The following AMT variants were observed in gnomAD, a reference collection of about 807,000 sequenced individuals.
The protein encoded by AMT is aminomethyltransferase.
AMT carries 24 observed loss-of-function variants against 39.5 expected under a neutral mutation model. The ratio of observed to expected loss-of-function variants is 0.61; its 90% CI spans 0.44 to 0.86. The LOEUF is 0.86. Ranked by LOEUF, AMT falls within the 40% of genes least tolerant of loss-of-function variation. The pLI is 0.00. For synonymous variants in AMT, 210 were observed against 212.1 expected (o/e 0.99, Z 0.09); for missense variants, 501 against 537.0 (o/e 0.93, Z 0.66).
intron 2 of AMT, 44 bp from the exon 3 acceptor site, chr3:49,421,616 A>T (rs146587598): frequency 6.4e-7 from 1 of 1,556,578 alleles, no homozygotes; most frequent in African/African-American, 1.4e-5. Context: ...AACAGCTACA[A>T]TCCAAAAGGC....
Position 49,422,467 on chromosome 3 carries a change from T to A in AMT, c.-17A>T. On this transcript the variant is annotated 5_prime_UTR_variant, in exon 1 of 9. Coordinates refer to ENST00000273588, the MANE Select transcript of AMT (RefSeq NM_000481.4). The stretch of plus-strand genomic sequence containing the variant: ...CCTCTGCATCGTCGCCTGCAACGAG[T>A]GCAGACGGCGCACAGAGGCCACCAC... 1.2e-6 allele frequency: 2 copies of A among 1,611,022 alleles called. No homozygotes were observed. The highest frequency in any genetic ancestry group is 1.7e-6 in the Non-Finnish European group (2 of 1,178,928).
In AMT at chr3:49,422,399, A is replaced by G. The variant is rs778523705; in HGVS notation, c.52T>C (p.Phe18Leu). The G allele has an allele frequency of 5.0e-6, 8 of 1,613,690 alleles. No individual in the cohort carries two copies. In the South Asian group the frequency reaches 7.7e-5, roughly 16 times the overall value. Residue 18 changes from phenylalanine (F) to leucine (L), a missense_variant, in exon 1 of 9, where the codon TTC (phenylalanine) becomes CTC (leucine). Phe to Leu is a conservative substitution (Grantham distance 22). Coordinates refer to ENST00000273588, the MANE Select transcript of AMT (RefSeq NM_000481.4). ...VARLGFRLQA[F>L]PPALCRPLSC... ...AGTGGACGACACAAGGCCGGGGGGA[A>G]TGCCTGCAGGCGAAAGCCCAGACGG...
chr3:49,420,488 G>A, intron 3 of AMT, 146 bp from the exon 4 acceptor site: 1 of 1,238,052 alleles, frequency 8.1e-7, no homozygotes, highest in Non-Finnish European at 1.2e-6. Context: ...ACAAGTCTGG[G>A]CCCAAGTCCA....
rs1264611139 is a variant in AMT at position 49,417,292 on chromosome 3, G to T, written c.*248C>A. On this transcript the variant is annotated 3_prime_UTR_variant, in exon 9 of 9. Transcript: ENST00000273588. ...CATTACCCTCCAGCAGGCAAGAGTA[G>T]GTCAGTGGGATCATGGACTGAAACA... 1.3e-6 allele frequency: 2 copies of T among 1,598,368 alleles called. No homozygotes were observed. Among genetic ancestry groups the T allele is most frequent in the Admixed American group, 1.7e-5 (1 of 59,964 alleles).
chr3:49,418,403 G>A (rs561355042), intron 7 of AMT: 4 of 240,474 alleles, frequency 1.7e-5, no homozygotes, highest in South Asian at 1.0e-4. Context: ...GGCTATTCTC[G>A]AATTCCTGAC....
Position 49,422,153 on chromosome 3 carries a change from A to T in AMT, c.209T>A (p.Leu70Gln), listed in dbSNP as rs2049115421. The T allele has an allele frequency of 6.2e-7, 1 of 1,613,882 alleles. No homozygotes were observed. Among genetic ancestry groups the T allele is most frequent in the Non-Finnish European group, 8.5e-7 (1 of 1,180,036 alleles). Reference sequence around the variant, plus strand: ...GAGCGAGCAGTGCTGGCGTGTGTGCAGGTGCGAGTCAGTGTGACTGTCCCG... The same window carrying T: ...GAGCGAGCAGTGCTGGCGTGTGTGCTGGTGCGAGTCAGTGTGACTGTCCCG... ...QYRDSHTDSH[L>Q]HTRQHCSLFD... Residue 70 changes from leucine (L) to glutamine (Q), a missense_variant, in exon 2 of 9, where the codon CTG (leucine) becomes CAG (glutamine). Leu to Gln is a moderately radical substitution (Grantham distance 113). Coordinates refer to ENST00000273588, the MANE Select transcript of AMT (RefSeq NM_000481.4).
chr3:49,422,100 T>C lies in AMT; in HGVS notation c.258+4A>G, dbSNP rs778046200. ...CAGATGGCCAGTGTGCTCCCCTGGC[T>C]CACCTGCAGCATATGAGACACGTCA... On this transcript the variant is annotated splice_donor_region_variant and intron_variant, in intron 2 of 8. Coordinates refer to ENST00000273588, the MANE Select transcript of AMT (RefSeq NM_000481.4). The C allele has an allele frequency of 6.2e-7, 1 of 1,613,494 alleles. No individual in the cohort carries two copies. Among genetic ancestry groups the C allele is most frequent in the South Asian group, 1.1e-5 (1 of 91,088 alleles).
intron 7 of AMT, chr3:49,418,501 T>TTTTTC (rs1553638366): frequency 2.2e-5 from 3 of 138,176 alleles, no homozygotes; most frequent in African/African-American, 8.6e-5. Context: ...TTTCTTTTTT[T>TTTTTC]TTTTTTTTTT....
chr3:49,419,902 G>A (rs756300264), intron 4 of AMT, 114 bp from the exon 5 acceptor site: 602 of 1,014,128 alleles, frequency 5.9e-4, no homozygotes, highest in Admixed American at 2.4e-3. Flanking sequence ...GAGGAGGGAG[G>A]AAAAAAAAAG....
At position 49,419,356 on chromosome 3, in the gene AMT, C is replaced by A; in HGVS notation, c.600G>T (p.Arg200Ser). Residue 200 changes from arginine to serine, a missense_variant, in exon 6 of 9, where the codon AGG becomes AGT. Physicochemically the swap from Arg to Ser is moderately radical, Grantham distance 110. Transcript: ENST00000273588. ...CAGCACTGGTCATGAAGGGCAGTTT[C>A]CTCAGGTCATCTGCCACGCCGGCCT... ...VLQAGVADDL[R>S]KLPFMTSAVM... 6.2e-7 allele frequency: 1 copy of A among 1,614,186 alleles called. No homozygotes were observed. The highest frequency in any genetic ancestry group is 8.5e-7 in the Non-Finnish European group (1 of 1,180,030).
rs1207233852 is a variant in AMT, at chr3:49,422,126, A to G, written c.236T>C (p.Phe79Ser). 1 of 1,613,808 alleles carries G rather than the reference A, an allele frequency of 6.2e-7. No individual in the cohort carries two copies. The highest frequency in any genetic ancestry group is 1.7e-5 in the Admixed American group (1 of 60,030). Residue 79 changes from phenylalanine to serine, a missense_variant, in exon 2 of 9, where the codon TTT becomes TCT. Transcript: ENST00000273588. ...HLHTRQHCSL[F>S]DVSHMLQTKI... is the part of the protein sequence containing the mutation. ...CACCTGCAGCATATGAGACACGTCA[A>G]AGAGCGAGCAGTGCTGGCGTGTGTG...
chr3:49,421,608 C>A, intron 2 of AMT, 36 bp from the exon 3 acceptor site: 1 of 1,575,896 alleles, frequency 6.3e-7, no homozygotes. Context: ...GCCATTGCAA[C>A]AGCTACAATC....
chr3:49,420,289 A>G lies in AMT; in HGVS notation c.393T>C (p.Ile131=), dbSNP rs2107933716. 6.2e-7 allele frequency: 1 copy of G among 1,614,208 alleles called. No individual in the cohort carries two copies. The highest frequency in any genetic ancestry group is 2.2e-5 in the East Asian group (1 of 44,886). ...GGTGGCCCTCAGAAGTATTGGTTACAATCAAGTCATCTAAGATGCCTCCAG... is the reference window on the plus strand; with the variant it reads ...GGTGGCCCTCAGAAGTATTGGTTACGATCAAGTCATCTAAGATGCCTCCAG... ...NEAGGILDDL[I]VTNTSEGHLY... is the part of the protein sequence containing the mutation. The change falls in exon 4 of 9, where the codon ATT becomes ATC. Residue 131 remains isoleucine (I), a synonymous_variant. Transcript: ENST00000273588.
chr3:49,417,410 C>G lies in AMT; in HGVS notation c.*130G>C. 1 of 1,609,924 alleles carries G rather than the reference C, an allele frequency of 6.2e-7. No individual in the cohort carries two copies. Among genetic ancestry groups the G allele is most frequent in the East Asian group, 2.2e-5 (1 of 44,864 alleles). On this transcript the variant is annotated 3_prime_UTR_variant, in exon 9 of 9. Transcript: ENST00000273588. ...AGGTGGGGGGAATAGGTGGTGTGGC[C>G]CCTCAACCAGACAATTAGAATCAGC...
chr3:49,419,627 C>T, intron 5 of AMT, 83 bp downstream of exon 5: 1 of 1,500,386 alleles, frequency 6.7e-7, no homozygotes, highest in Non-Finnish European at 9.3e-7. Context: ...TCCACACATT[C>T]TTCTTGGTAT....
At chr3:49,420,000 G>A in intron 4 of AMT, 1 of 797,046 alleles carries the variant, frequency 1.3e-6, no homozygotes. Flanking sequence ...TCACACCAGA[G>A]GGGCCAAGAC....
chr3:49,420,305 A>G lies in AMT; in HGVS notation c.377T>C (p.Ile126Thr). ...ATTGGTTACAATCAAGTCATCTAAG[A>G]TGCCTCCAGCCTCGTTGGTAAACAG... Reference protein sequence around the residue: ...LSLFTNEAGGILDDLIVTNTS... With the variant: ...LSLFTNEAGGTLDDLIVTNTS... Residue 126 changes from isoleucine to threonine, a missense_variant, in exon 4 of 9, where the codon ATC becomes ACC. Physicochemically the swap from Ile to Thr is moderately conservative, Grantham distance 89. Transcript: ENST00000273588. 6.2e-7 allele frequency: 1 copy of G among 1,614,200 alleles called. No homozygotes were observed. Among genetic ancestry groups the G allele is most frequent in the Non-Finnish European group, 8.5e-7 (1 of 1,180,024 alleles).
At position 49,417,601 on chromosome 3, in the gene AMT, T is replaced by C. The variant is rs561380533; in HGVS notation, c.1151A>G (p.Gln384Arg). Residue 384 changes from glutamine to arginine, a missense_variant, in exon 9 of 9, where the codon CAG (glutamine) becomes CGG (arginine). Transcript: ENST00000273588. ...TMLLVEVRRK[Q>R]QMAVVSKMPF... ...CATCTTGCTGACTACAGCCATCTGC[T>C]GCTTCCGCCGCACCTCTACCAGCAG... 1 of 1,614,218 alleles carries C rather than the reference T, an allele frequency of 6.2e-7. No homozygotes were observed. Among genetic ancestry groups the C allele is most frequent in the African/African-American group, 1.3e-5 (1 of 75,054 alleles).
chr3:49,422,131 C>G lies in AMT; in HGVS notation c.231G>C (p.Ser77=). Residue 77 remains serine, a synonymous_variant, in exon 2 of 9, where the codon TCG becomes TCC. Transcript: ENST00000273588. ...GCAGCATATGAGACACGTCAAAGAG[C>G]GAGCAGTGCTGGCGTGTGTGCAGGT... The part of the protein sequence containing the change: ...DSHLHTRQHC[S]LFDVSHMLQT... 1 of 1,613,804 alleles carries G rather than the reference C, an allele frequency of 6.2e-7. No individual in the cohort carries two copies.
Sources: gnomAD v4.1 joint callset for allele counts on GRCh38, gnomAD v4.1.1 for gene constraint, MANE v1.5 for transcripts, NCBI Gene and HGNC (gene_info 2026-07-23, HGNC 2026-07-21) for gene names.